Variants in CSMD1 observed in about 807,000 individuals in gnomAD.
CSMD1 encodes the protein CUB and sushi domain-containing protein 1.
In CSMD1, 213 loss-of-function variants were observed where a neutral mutation model predicts 417.5. That is an observed-to-expected ratio of 0.51 (90% CI 0.46 to 0.57). The LOEUF is 0.57. CSMD1 is among the 20% of genes least tolerant of loss of function. The probability of loss-of-function intolerance (pLI) is 0.00; values close to 1 mark genes in which losing one functional copy is unlikely to be tolerated. For synonymous variants in CSMD1, 2,862 were observed against 1,736.8 expected (o/e 1.65, Z -16.11); for missense variants, 6,923 against 4,529.7 (o/e 1.53, Z -15.17).
chr8:3,514,211 G>T (rs1797194260), intron 10 of CSMD1, among the ~76,000 whole-genome samples: 1 of 152,068 alleles, frequency 6.6e-6, no homozygotes, highest in South Asian at 2.1e-4. Context: ...TTGTGTAAAG[G>T]ATACTAAATA....
chr8:4,470,852 T>C (rs558978624), intron 2 of CSMD1, among the ~76,000 whole-genome samples: 1 of 151,036 alleles, frequency 6.6e-6, no homozygotes. Context: ...CTTTGATTTT[T>C]TTTGAGTTAT....
chr8:4,706,498 T>G, intron 1 of CSMD1, among the ~76,000 whole-genome samples: 1 of 152,206 alleles, frequency 6.6e-6, no homozygotes, highest in East Asian at 1.9e-4. Context: ...AATATAGCAT[T>G]AAATACTTTT....
intron 5 of CSMD1, among the ~76,000 whole-genome samples, chr8:3,905,979 T>C: frequency 6.6e-6 from 1 of 152,318 alleles, no homozygotes; most frequent in Middle Eastern, 3.4e-3. Flanking sequence ...AAACCTGTTC[T>C]TTTACCAGAT....
chr8:4,200,540 T>A (rs887248628), intron 3 of CSMD1, among the ~76,000 whole-genome samples: 4 of 152,082 alleles, frequency 2.6e-5, no homozygotes, highest in African/African-American at 4.8e-5. Context: ...TTAATATAAA[T>A]GCCTGCTGTG....
At chr8:4,055,207 C>G (rs77634461) in intron 3 of CSMD1, among the ~76,000 whole-genome samples, 2,237 of 152,222 alleles carry the variant, frequency 0.015, 51 homozygotes, top group East Asian at 0.089. Context: ...TTTTCTTATT[C>G]AATTTTTAAA....
chr8:3,931,241 G>A (rs895187017), intron 5 of CSMD1, among the ~76,000 whole-genome samples: 3 of 150,446 alleles, frequency 2.0e-5, no homozygotes, highest in African/African-American at 7.3e-5. Flanking sequence ...AATACATTTT[G>A]TTAGTTTCTC....
At chr8:4,488,588 C>T (rs1459190087) in intron 2 of CSMD1, among the ~76,000 whole-genome samples, 1 of 151,996 alleles carries the variant, frequency 6.6e-6, no homozygotes, top group Admixed American at 6.6e-5. Flanking sequence ...AGATTTGCTG[C>T]TTTCAATTCC....
At chr8:3,436,712 G>A (rs919754822) in intron 12 of CSMD1, among the ~76,000 whole-genome samples, 2 of 152,114 alleles carry the variant, frequency 1.3e-5, no homozygotes, top group African/African-American at 4.8e-5. Context: ...CGCTTTCTGA[G>A]TAAAAGGCAG....
At chr8:3,709,040 C>A (rs1265816331) in intron 6 of CSMD1, among the ~76,000 whole-genome samples, 1 of 152,180 alleles carries the variant, frequency 6.6e-6, no homozygotes, top group Non-Finnish European at 1.5e-5. Flanking sequence ...CCTCCAGACG[C>A]TTTCCAGGCT....
At chr8:4,950,476 A>T (rs949632382) in intron 1 of CSMD1, among the ~76,000 whole-genome samples, 2 of 152,236 alleles carry the variant, frequency 1.3e-5, no homozygotes, top group African/African-American at 4.8e-5. Flanking sequence ...GCAAAATAGG[A>T]TAAGAAATAA....
chr8:3,265,671 G>C (rs1209877287), intron 26 of CSMD1, among the ~76,000 whole-genome samples: 2 of 152,196 alleles, frequency 1.3e-5, no homozygotes. Context: ...GTCGTGCTAG[G>C]ATTTTATTCT....
At chr8:3,543,082 G>A (rs1798509129) in intron 10 of CSMD1, among the ~76,000 whole-genome samples, 1 of 152,172 alleles carries the variant, frequency 6.6e-6, no homozygotes, top group Non-Finnish European at 1.5e-5. Context: ...AGTGCAAAGG[G>A]AACCTGCTTC....
At chr8:4,155,651 C>A (rs1360124030) in intron 3 of CSMD1, among the ~76,000 whole-genome samples, 1 of 152,072 alleles carries the variant, frequency 6.6e-6, no homozygotes, top group African/African-American at 2.4e-5. Context: ...TGACATAATA[C>A]ACATTCAAAG....
chr8:3,735,442 C>T (rs1422098287), intron 6 of CSMD1, among the ~76,000 whole-genome samples: 3 of 152,284 alleles, frequency 2.0e-5, no homozygotes, highest in South Asian at 4.2e-4. Flanking sequence ...CTACAAAATG[C>T]AGGTATTAGG....
chr8:3,721,985 C>A (rs1181361769), intron 6 of CSMD1, among the ~76,000 whole-genome samples: 2 of 152,138 alleles, frequency 1.3e-5, no homozygotes, highest in African/African-American at 2.4e-5. Flanking sequence ...GTCCCCAAGC[C>A]CCCCACAAGC....
chr8:3,047,284 C>T lies in CSMD1; in HGVS notation c.7660+5178G>A, dbSNP rs908591784. 5.3e-5 allele frequency among the ~76,000 whole-genome samples: 8 copies of T among 152,032 alleles called. 1 individual carries two copies. The highest frequency in any genetic ancestry group is 2.6e-4 in the Admixed American group (4 of 15,250). On this transcript the variant is annotated intron_variant, in intron 50 of 69. Transcript: ENST00000635120. ...CTATTTTGCCAGGCCAAGTTCTCGC[C>T]CCAGCCATCTCTTCTGTAGAAATTG...
intron 1 of CSMD1, among the ~76,000 whole-genome samples, chr8:4,822,091 A>C (rs1799556184): frequency 6.6e-6 from 1 of 152,028 alleles, no homozygotes; most frequent in South Asian, 2.1e-4. Flanking sequence ...TCAGTAAAAA[A>C]ATTACCAGAA....
chr8:3,863,520 C>T lies in CSMD1; in HGVS notation c.819-109478G>A, dbSNP rs964004217. Among the ~76,000 whole-genome samples the T allele has an allele frequency of 5.3e-5, 8 of 152,040 alleles. No homozygotes were observed. The East Asian group carries it at 5.8e-4, about 11-fold the overall frequency. On this transcript the variant is annotated intron_variant, in intron 5 of 69. Transcript: ENST00000635120. Reference sequence around the variant, plus strand: ...AACCACATCAGATATTGGGCTCCAACATTCAAATTTTAGGAGGACACCAAC... The same window carrying T: ...AACCACATCAGATATTGGGCTCCAATATTCAAATTTTAGGAGGACACCAAC...
rs570089324 is a variant in CSMD1 at position 4,796,009 on chromosome 8, A to G, written c.86-158451T>C. On this transcript the variant is annotated intron_variant, in intron 1 of 69. Coordinates refer to ENST00000635120, the MANE Select transcript of CSMD1 (RefSeq NM_033225.6). The stretch of plus-strand genomic sequence containing the variant: ...TATGTCATAAAGCAAAGAAACAAAT[A>G]CAGCTAAGGGCAAGGCTTCAGGTAT... Among the ~76,000 whole-genome samples the G allele has an allele frequency of 5.3e-5, 8 of 152,344 alleles. No individual in the cohort carries two copies. The East Asian group carries it at 1.5e-3, about 29-fold the overall frequency.
Sources: gnomAD v4.1 joint callset for allele counts (sites outside exome capture counted in the v4.1 genomes callset) on GRCh38, gnomAD v4.1.1 for gene constraint, MANE v1.5 for transcripts, NCBI Gene and HGNC (gene_info 2026-07-23, HGNC 2026-07-21) for gene names.